Variants in RXFP1 observed in about 807,000 individuals in gnomAD.
RXFP1 encodes relaxin receptor 1.
Under a neutral mutation model 89.8 loss-of-function variants are expected in RXFP1, and 73 were observed. The ratio of observed to expected loss-of-function variants is 0.81; its 90% CI spans 0.67 to 0.99. RXFP1 has a LOEUF of 0.99. RXFP1 is among the 50% of genes least tolerant of loss of function. The pLI, the probability that RXFP1 is intolerant of heterozygous loss-of-function variation, is 0.00. For missense variants in RXFP1, 793 were observed against 895.5 expected (o/e 0.89, Z 1.46); for synonymous variants, 277 against 305.5 (o/e 0.91, Z 0.97).
At chr4:158,618,765 A>T (rs1765062220) in intron 9 of RXFP1, among the ~76,000 whole-genome samples, 1 of 152,124 alleles carries the variant, frequency 6.6e-6, no homozygotes, top group Non-Finnish European at 1.5e-5. Context: ...TATGCTTCTA[A>T]GGTATTTGCA....
rs547452225 is a variant in RXFP1 at position 158,637,964 on chromosome 4, G to A, written c.972-44G>A. The A allele has an allele frequency of 2.4e-4, 281 of 1,171,970 alleles. 1 individual carries two copies. Among genetic ancestry groups the A allele is most frequent in the Admixed American group, 6.2e-4 (36 of 57,714 alleles). 72.6% of individuals were successfully genotyped at this position (1,171,970 alleles called of 1,614,324 possible). ...AAACAGATTCACTCGCTTTACTCAT[G>A]TAGTTTTTAGAAATGACCTATTGCT... On this transcript the variant is annotated intron_variant, in intron 12 of 17. Transcript: ENST00000307765.
At chr4:158,566,439 C>T (rs1753568138) in intron 1 of RXFP1, among the ~76,000 whole-genome samples, 1 of 152,194 alleles carries the variant, frequency 6.6e-6, no homozygotes, top group Non-Finnish European at 1.5e-5. Flanking sequence ...TCTCGGCTCA[C>T]TGCAACCTCC....
chr4:158,553,945 G>A (rs982905170), intron 1 of RXFP1, among the ~76,000 whole-genome samples: 3 of 152,036 alleles, frequency 2.0e-5, no homozygotes, highest in African/African-American at 4.8e-5. Context: ...TGCTTTGTTC[G>A]GGGTTTTTCA....
chr4:158,579,480 G>A lies in RXFP1; in HGVS notation c.187+6645G>A, dbSNP rs529862771. 3.9e-5 allele frequency among the ~76,000 whole-genome samples: 6 copies of A among 152,298 alleles called. No individual in the cohort carries two copies. The South Asian group carries it at 1.2e-3, about 32-fold the overall frequency. ...GGGGTTTCACCGTGTTGGCGAGGAT[G>A]GTCTCGATCTCTTGACCTCGTGATC... On this transcript the variant is annotated intron_variant, in intron 2 of 17. Transcript: ENST00000307765.
chr4:158,649,243 A>G (rs1006728511), intron 17 of RXFP1, among the ~76,000 whole-genome samples: 1 of 152,240 alleles, frequency 6.6e-6, no homozygotes, highest in African/African-American at 2.4e-5. Context: ...CAAAGAAGCA[A>G]TGAGTGACCA....
intron 1 of RXFP1, among the ~76,000 whole-genome samples, chr4:158,562,303 T>G (rs898261394): frequency 3.3e-5 from 5 of 151,706 alleles, no homozygotes; most frequent in Non-Finnish European, 7.4e-5. Flanking sequence ...GGCGGGCGGA[T>G]CACGAGGTCA....
intron 1 of RXFP1, among the ~76,000 whole-genome samples, chr4:158,527,094 T>C (rs1742689490): frequency 6.6e-6 from 1 of 152,120 alleles, no homozygotes; most frequent in African/African-American, 2.4e-5. Flanking sequence ...TAGCTACAAA[T>C]GAAACAGCAG....
At chr4:158,542,895 T>C (rs1192434550) in intron 1 of RXFP1, among the ~76,000 whole-genome samples, 2 of 152,230 alleles carry the variant, frequency 1.3e-5, no homozygotes, top group African/African-American at 2.4e-5. Flanking sequence ...CTTAAGAATC[T>C]TTTTTTCACA....
chr4:158,564,673 A>T (rs1326935673), intron 1 of RXFP1, among the ~76,000 whole-genome samples: 1 of 151,710 alleles, frequency 6.6e-6, no homozygotes, highest in East Asian at 1.9e-4. Context: ...CTAAAACAGC[A>T]TTCAGGGCAG....
At chr4:158,559,460 T>A (rs1430320613) in intron 1 of RXFP1, among the ~76,000 whole-genome samples, 1 of 152,128 alleles carries the variant, frequency 6.6e-6, no homozygotes, top group Non-Finnish European at 1.5e-5. Context: ...TTACTGAAGG[T>A]CACAGATCTA....
chr4:158,586,179 T>C (rs78412608), intron 2 of RXFP1, among the ~76,000 whole-genome samples: 1 of 152,270 alleles, frequency 6.6e-6, no homozygotes, highest in Non-Finnish European at 1.5e-5. Context: ...TCTCAGTTTT[T>C]ATTTTAGCAT....
At chr4:158,637,891 G>A (rs919489392) in intron 12 of RXFP1, 117 bp from the exon 13 acceptor site, 11 of 652,710 alleles carry the variant, frequency 1.7e-5, no homozygotes, top group South Asian at 8.8e-5. Context: ...CATCCATTAC[G>A]AGTTATTGTA....
chr4:158,605,096 C>G lies in RXFP1; in HGVS notation c.421C>G (p.Leu141Val), dbSNP rs1168519465. Residue 141 changes from leucine to valine, a missense_variant, in exon 5 of 18, where the codon CTT becomes GTT. Coordinates refer to ENST00000307765, the MANE Select transcript of RXFP1 (RefSeq NM_021634.4). ...ACTTCAGTGGAACTTAATAAGAAAG[C>G]TTCCTCCTGATTGCTTCAAGAATTA... ...MSLQWNLIRK[L>V]PPDCFKNYHD... 9 of 1,590,654 alleles carry G rather than the reference C, an allele frequency of 5.7e-6. No individual in the cohort carries two copies. The Middle Eastern group carries it at 1.0e-3, about 177-fold the overall frequency.
chr4:158,541,143 G>A lies in RXFP1; in HGVS notation c.49+19118G>A, dbSNP rs578059350. Among the ~76,000 whole-genome samples the A allele has an allele frequency of 7.2e-5, 11 of 152,130 alleles. No homozygotes were observed. The East Asian group carries it at 1.2e-3, about 16-fold the overall frequency. Reference sequence around the variant, plus strand: ...TTTTCCCACAAAAGGTTAGATCCCCGCTATGCATCATGTCCAGAAAAACCT... The same window carrying A: ...TTTTCCCACAAAAGGTTAGATCCCCACTATGCATCATGTCCAGAAAAACCT... On this transcript the variant is annotated intron_variant, in intron 1 of 17. Transcript: ENST00000307765.
chr4:158,610,598 C>G (rs1360613433), intron 6 of RXFP1: 1 of 1,039,262 alleles, frequency 9.6e-7, no homozygotes, highest in East Asian at 5.9e-5. Context: ...ACCAAAATTG[C>G]TATTATGGTT....
intron 1 of RXFP1, among the ~76,000 whole-genome samples, chr4:158,530,651 C>T (rs1743800378): frequency 6.6e-6 from 1 of 152,184 alleles, no homozygotes; most frequent in South Asian, 2.1e-4. Flanking sequence ...CTCCATTTAA[C>T]CTCCCTTTTT....
At chr4:158,562,761 C>A (rs1245621702) in intron 1 of RXFP1, among the ~76,000 whole-genome samples, 2 of 152,040 alleles carry the variant, frequency 1.3e-5, no homozygotes, top group African/African-American at 4.8e-5. Context: ...AAGTACACAT[C>A]CCCTGTGTTC....
intron 9 of RXFP1, among the ~76,000 whole-genome samples, chr4:158,622,354 C>T (rs933212442): frequency 6.6e-6 from 1 of 152,130 alleles, no homozygotes; most frequent in African/African-American, 2.4e-5. Flanking sequence ...TATGATCCAG[C>T]AGTCCCACTT....
At chr4:158,601,996 T>G (rs112173561) in intron 4 of RXFP1, among the ~76,000 whole-genome samples, 1 of 152,188 alleles carries the variant, frequency 6.6e-6, no homozygotes, top group African/African-American at 2.4e-5. Flanking sequence ...AGAGCTAGCT[T>G]TGACAATAAT....
Sources: allele counts gnomAD v4.1 joint callset (sites outside exome capture counted in the v4.1 genomes callset), GRCh38; gene constraint gnomAD v4.1.1; transcripts MANE v1.5; gene names NCBI Gene and HGNC (gene_info 2026-07-23, HGNC 2026-07-21).